Variants in VPS35 observed in about 807,000 individuals in gnomAD.
The protein encoded by VPS35 is VPS35 retromer complex component, also known as vacuolar protein sorting-associated protein 35.
A neutral mutation model predicts 98.1 loss-of-function variants in VPS35; 21 were observed. The observed-to-expected ratio is 0.21, with a 90% CI of 0.15 to 0.31. VPS35 has a LOEUF of 0.31. Among genes scored for constraint, VPS35 ranks in the 10% least tolerant of loss-of-function variants. The probability of loss-of-function intolerance (pLI) is 1.00; values close to 1 mark genes in which losing one functional copy is unlikely to be tolerated. For synonymous variants in VPS35, 268 were observed against 318.2 expected (o/e 0.84, Z 1.68); for missense variants, 554 against 950.8 (o/e 0.58, Z 5.49).
At chr16:46,669,886 T>G (rs1338780723) in intron 12 of VPS35, among the ~76,000 whole-genome samples, 1 of 152,138 alleles carries the variant, frequency 6.6e-6, no homozygotes, top group Non-Finnish European at 1.5e-5. Flanking sequence ...AGGCATAAGC[T>G]CAGTAATATT....
At chr16:46,674,174 C>G in intron 10 of VPS35, 140 bp downstream of exon 10, 2 of 928,496 alleles carry the variant, frequency 2.2e-6, no homozygotes, top group Admixed American at 2.2e-5. Context: ...CTTTCTGCCC[C>G]TAGTAGTGCT....
chr16:46,676,751 T>G (rs2143008143), intron 7 of VPS35, 59 bp from the exon 8 acceptor site: 1 of 1,212,242 alleles, frequency 8.2e-7, no homozygotes. Context: ...TGGACTCACA[T>G]ATGGTAAAGT....
At chr16:46,663,297 T>C (rs1472578191) in intron 13 of VPS35, 135 bp from the exon 14 acceptor site, 10 of 789,800 alleles carry the variant, frequency 1.3e-5, no homozygotes, top group Non-Finnish European at 2.0e-5. Flanking sequence ...GTTTCAGTTA[T>C]AGGGCAAACA....
Position 46,663,149 on chromosome 16 carries a change from T to C in VPS35, c.1661A>G (p.Glu554Gly). ...TGAAAAAATCTTCTGGCATTTCTTTTCCCATTTGTCATCCTAAAACAAGAA... is the reference window on the plus strand; with the variant it reads ...TGAAAAAATCTTCTGGCATTTCTTTCCCCATTTGTCATCCTAAAACAAGAA... Reference protein sequence around the residue: ...KENSKVDDKWEKKCQKIFSFA... With the variant: ...KENSKVDDKWGKKCQKIFSFA... The change falls in exon 14 of 17, where the codon GAA (glutamate) becomes GGA (glycine). Residue 554 changes from glutamate to glycine, a missense_variant. This residue lies in a region of VPS35 where 254 missense variants were observed against 390.1 expected (regional missense o/e 0.65). Coordinates refer to ENST00000299138, the MANE Select transcript of VPS35 (RefSeq NM_018206.6). 1.9e-6 allele frequency: 3 copies of C among 1,613,938 alleles called. No individual in the cohort carries two copies. Among genetic ancestry groups the C allele is most frequent in the Non-Finnish European group, 2.5e-6 (3 of 1,179,892 alleles).
At chr16:46,680,144 TG>T (rs1966213710) in intron 5 of VPS35, among the ~76,000 whole-genome samples, 1 of 152,214 alleles carries the variant, frequency 6.6e-6, no homozygotes, top group South Asian at 2.1e-4. Flanking sequence ...CAGTAGACTT[TG>T]ATGCTAGAAT....
intron 14 of VPS35, among the ~76,000 whole-genome samples, 191 bp downstream of exon 14, chr16:46,662,792 G>C (rs543487499): frequency 1.6e-4 from 25 of 152,232 alleles, no homozygotes; most frequent in African/African-American, 6.0e-4. Context: ...GGAAATCTTA[G>C]ATTTCATCAG....
At chr16:46,660,734 C>T (rs1303540434) in intron 16 of VPS35, 83 bp from the exon 17 acceptor site, 4 of 1,004,198 alleles carry the variant, frequency 4.0e-6, no homozygotes, top group Middle Eastern at 2.4e-4. Context: ...TTTTGAGGAG[C>T]TTCTGTTACA....
intron 13 of VPS35, among the ~76,000 whole-genome samples, chr16:46,667,993 CT>C (rs748400847): frequency 8.5e-5 from 13 of 152,252 alleles, no homozygotes; most frequent in South Asian, 4.1e-4. Flanking sequence ...TCCATAAACG[CT>C]GGTAAAGAGT....
Position 46,658,845 on chromosome 16 carries a change from G to A in VPS35, c.*1627C>T, listed in dbSNP as rs1050857429. On this transcript the variant is annotated 3_prime_UTR_variant, in exon 17 of 17. Transcript: ENST00000299138. ...GCTAGTCATCAAGTGCTAGCAATGG[G>A]AGGGCAGATGGTGAGGGGTTAAGTG... 1 of 152,246 alleles carries A rather than the reference G, an allele frequency of 6.6e-6. No homozygotes were observed. The highest frequency in any genetic ancestry group is 6.5e-5 in the Admixed American group (1 of 15,290). The allele number at this position is 152,246 out of a possible 1,614,324, so 9.4% of individuals were successfully genotyped here.
intron 13 of VPS35, among the ~76,000 whole-genome samples, chr16:46,664,709 C>T (rs545430449): frequency 4.0e-5 from 6 of 151,286 alleles, no homozygotes; most frequent in East Asian, 2.0e-4. Context: ...TTAGTAGAGA[C>T]GGGGTTTCTC....
At chr16:46,687,427 T>A (rs1258600539) in intron 1 of VPS35, among the ~76,000 whole-genome samples, 2 of 152,210 alleles carry the variant, frequency 1.3e-5, no homozygotes, top group African/African-American at 4.8e-5. Context: ...TTTGGCTTCA[T>A]CTATTAGCAA....
chr16:46,671,668 G>C (rs761909096), intron 12 of VPS35, 37 bp downstream of exon 12: 1 of 1,613,422 alleles, frequency 6.2e-7, no homozygotes, highest in Non-Finnish European at 8.5e-7. Flanking sequence ...ATTTCACTAG[G>C]AGCTGATACA....
At chr16:46,688,574 T>A (rs1008619243) in intron 1 of VPS35, 32 of 993,398 alleles carry the variant, frequency 3.2e-5, no homozygotes, top group Non-Finnish European at 3.7e-5. Flanking sequence ...GAAATTCATG[T>A]AAGCAGGTCC....
intron 12 of VPS35, among the ~76,000 whole-genome samples, chr16:46,670,909 T>C (rs1966058321): frequency 2.0e-5 from 3 of 152,186 alleles, no homozygotes. Context: ...GTCTTTTTCA[T>C]CATAGCAGCC....
intron 3 of VPS35, chr16:46,681,802 A>G (rs1193503421): frequency 3.7e-6 from 2 of 539,644 alleles, no homozygotes; most frequent in Non-Finnish European, 6.7e-6. Flanking sequence ...AAATCTAAGT[A>G]TTAAAGAACC....
At chr16:46,685,068 G>A (rs528577710) in intron 1 of VPS35, among the ~76,000 whole-genome samples, 1 of 152,314 alleles carries the variant, frequency 6.6e-6, no homozygotes, top group Admixed American at 6.5e-5. Context: ...TAGGGGTAGG[G>A]AAAATGTTTT....
chr16:46,662,606 C>CG, intron 14 of VPS35, 124 bp from the exon 15 acceptor site: 1 of 1,448,912 alleles, frequency 6.9e-7, no homozygotes, highest in South Asian at 1.1e-5. Context: ...TCAGAACATG[C>CG]TGCACCCTCT....
At chr16:46,686,182 A>G (rs1966310361) in intron 1 of VPS35, among the ~76,000 whole-genome samples, 1 of 152,142 alleles carries the variant, frequency 6.6e-6, no homozygotes, top group African/African-American at 2.4e-5. Flanking sequence ...AATATCTTCA[A>G]TGTTCATCCA....
At chr16:46,663,978 T>C (rs553318962) in intron 13 of VPS35, among the ~76,000 whole-genome samples, 7 of 144,272 alleles carry the variant, frequency 4.9e-5, no homozygotes, top group Non-Finnish European at 1.0e-4. Context: ...CCCAAAGTGT[T>C]GGGATTACAG....
Sources: gnomAD v4.1 joint callset for allele counts (sites outside exome capture counted in the v4.1 genomes callset) on GRCh38, gnomAD v4.1.1 for gene constraint, gnomAD v4.1.1 regional missense constraint, MANE v1.5 for transcripts, NCBI Gene and HGNC (gene_info 2026-07-23, HGNC 2026-07-21) for gene names.